LRRC7: variants seen among roughly 807,000 people sequenced by gnomAD.
LRRC7 encodes leucine rich repeat containing 7, also known as leucine-rich repeat-containing protein 7.
Under a neutral mutation model 175.7 loss-of-function variants are expected in LRRC7, and 23 were observed. The observed-to-expected ratio is 0.13, with a 90% CI of 0.09 to 0.19. The LOEUF (loss-of-function observed/expected upper bound fraction) is 0.19, where lower values mean the gene tolerates loss of function less well. Among genes scored for constraint, LRRC7 ranks in the 10% least tolerant of loss-of-function variants. The pLI is 1.00. For synonymous variants in LRRC7, 685 were observed against 680.9 expected, an observed-to-expected ratio of 1.01 and a Z score of -0.09; for missense variants, 1,354 against 1,904.7, an observed-to-expected ratio of 0.71 and a Z score of 5.38.
At position 69,900,235 on chromosome 1, in the gene LRRC7, G is replaced by C. The variant is rs149885355; in HGVS notation, c.648-31272G>C. 2.8e-3 allele frequency among the ~76,000 whole-genome samples: 430 copies of C among 152,230 alleles called. 1 individual carries two copies. The highest frequency in any genetic ancestry group is 9.2e-3 in the African/African-American group (381 of 41,542). Reference sequence around the variant, plus strand: ...TTGCCTGTGAGACGGGTATGGAAGAGAGTCAATAGTTTTTATGGGATCACA... The same window carrying C: ...TTGCCTGTGAGACGGGTATGGAAGACAGTCAATAGTTTTTATGGGATCACA... On this transcript the variant is annotated intron_variant, in intron 7 of 26. Coordinates refer to ENST00000651989, the MANE Select transcript of LRRC7 (RefSeq NM_001370785.2).
At chr1:69,655,395 CTGT>C (rs35571768) in intron 1 of LRRC7, among the ~76,000 whole-genome samples, 25,823 of 151,738 alleles carry the variant, frequency 0.17, 2,298 homozygotes, top group Admixed American at 0.2. Context: ...TCTTGTCTTC[CTGT>C]TGTTGTGTGC....
intron 12 of LRRC7, among the ~76,000 whole-genome samples, 193 bp from the exon 13 acceptor site, chr1:70,012,781 A>C (rs1440122268): frequency 6.6e-6 from 1 of 151,078 alleles, no homozygotes; most frequent in Non-Finnish European, 1.5e-5. Flanking sequence ...TTTGGTATAA[A>C]TTCCCTTAAT....
At chr1:70,067,063 T>A (rs977697345) in intron 23 of LRRC7, among the ~76,000 whole-genome samples, 8 of 152,092 alleles carry the variant, frequency 5.3e-5, no homozygotes, top group Admixed American at 3.9e-4. Flanking sequence ...CTTATTTGCC[T>A]CCATCTGTAT....
intron 25 of LRRC7, among the ~76,000 whole-genome samples, chr1:70,091,368 T>G (rs1394549341): frequency 6.6e-6 from 1 of 152,164 alleles, no homozygotes; most frequent in Non-Finnish European, 1.5e-5. Context: ...TTGACTCCTC[T>G]TTTTGTCTTT....
intron 3 of LRRC7, among the ~76,000 whole-genome samples, chr1:69,788,188 A>T (rs11209543): frequency 0.036 from 5,520 of 152,148 alleles, 349 homozygotes; most frequent in African/African-American, 0.13. Flanking sequence ...AATATCTGTA[A>T]CTCAGGCTTA....
chr1:69,608,850 CTCTCTCTCTCTCTCTCTATATATA>C (rs1436169185), intron 1 of LRRC7, among the ~76,000 whole-genome samples: 2,155 of 48,228 alleles, frequency 0.045, 13 homozygotes, highest in East Asian at 0.075. Context: ...CTCTCTCTCT[CTCTCTCTCTCTCTCTCTATATATA>C]TATATATATA....
chr1:69,678,594 G>C (rs113807507), intron 2 of LRRC7, 116 bp downstream of exon 2: 2 of 700,140 alleles, frequency 2.9e-6, no homozygotes, highest in Non-Finnish European at 4.9e-6. Flanking sequence ...TTGTTGAGTC[G>C]AGTTGGTCTT....
At chr1:69,924,681 A>C (rs1221524183) in intron 7 of LRRC7, among the ~76,000 whole-genome samples, 1 of 152,196 alleles carries the variant, frequency 6.6e-6, no homozygotes, top group Non-Finnish European at 1.5e-5. Flanking sequence ...GTTGCTTATC[A>C]GCTTAAGGAG....
chr1:69,936,386 A>G (rs145120421), intron 8 of LRRC7, among the ~76,000 whole-genome samples: 1 of 152,326 alleles, frequency 6.6e-6, no homozygotes, highest in African/African-American at 2.4e-5. Context: ...AGGCATCAAC[A>G]TGACATACAT....
intron 25 of LRRC7, among the ~76,000 whole-genome samples, 197 bp from the exon 26 acceptor site, chr1:70,107,555 C>T (rs201128047): frequency 6.6e-6 from 1 of 152,108 alleles, no homozygotes; most frequent in East Asian, 1.9e-4. Flanking sequence ...CTTCTTTTTG[C>T]AAGCAAAAAT....
intron 4 of LRRC7, among the ~76,000 whole-genome samples, chr1:69,824,656 G>A (rs926409756): frequency 6.6e-6 from 1 of 152,116 alleles, no homozygotes; most frequent in African/African-American, 2.4e-5. Flanking sequence ...GGGCTTTGAA[G>A]TCCTGTGGAC....
chr1:69,868,877 A>C lies in LRRC7; in HGVS notation c.647+30594A>C, dbSNP rs78011588. ...ATGTCTTTACATGATTTCTCTCTCT[A>C]TCTATCTATCTATCTATATATGTAT... On this transcript the variant is annotated intron_variant, in intron 7 of 26. Coordinates refer to ENST00000651989, the MANE Select transcript of LRRC7 (RefSeq NM_001370785.2). Among the ~76,000 whole-genome samples the C allele has an allele frequency of 1.1e-3, 162 of 149,288 alleles. 2 individuals are homozygous for C. The East Asian group carries it at 0.027, about 25-fold the overall frequency.
chr1:69,833,129 T>C (rs1209856101), intron 5 of LRRC7, among the ~76,000 whole-genome samples: 1 of 151,930 alleles, frequency 6.6e-6, no homozygotes, highest in Admixed American at 6.6e-5. Flanking sequence ...GAAACGACTG[T>C]AATGTTCATT....
At chr1:69,939,123 TG>T (rs1276162768) in intron 8 of LRRC7, among the ~76,000 whole-genome samples, 1 of 150,406 alleles carries the variant, frequency 6.6e-6, no homozygotes, top group Non-Finnish European at 1.5e-5. Context: ...TTGAAGTTAT[TG>T]GGAGTATGTC....
chr1:69,594,234 G>T (rs1646751360), intron 1 of LRRC7, among the ~76,000 whole-genome samples: 1 of 151,924 alleles, frequency 6.6e-6, no homozygotes, highest in Non-Finnish European at 1.5e-5. Context: ...TTACATCTTT[G>T]TGTACGCCGC....
intron 4 of LRRC7, among the ~76,000 whole-genome samples, chr1:69,802,963 A>G (rs1015221130): frequency 2.6e-5 from 4 of 151,424 alleles, no homozygotes; most frequent in African/African-American, 9.6e-5. Context: ...TCTATGCTCT[A>G]TATGATCAAA....
intron 7 of LRRC7, among the ~76,000 whole-genome samples, chr1:69,870,275 G>A (rs2101575627): frequency 6.6e-6 from 1 of 152,212 alleles, no homozygotes; most frequent in Middle Eastern, 3.4e-3. Context: ...TACAGGTTAG[G>A]TGTGGAAGAG....
intron 2 of LRRC7, among the ~76,000 whole-genome samples, chr1:69,685,441 T>C (rs1379099136): frequency 2.0e-5 from 3 of 151,948 alleles, no homozygotes; most frequent in Admixed American, 6.6e-5. Context: ...GACTGAAGCA[T>C]CCATCATAAG....
intron 1 of LRRC7, among the ~76,000 whole-genome samples, chr1:69,648,393 A>G (rs1219694612): frequency 6.6e-6 from 1 of 152,124 alleles, no homozygotes; most frequent in African/African-American, 2.4e-5. Flanking sequence ...CTAGATGAGC[A>G]AGGGTGGAGC....
Sources: allele counts gnomAD v4.1 joint callset (sites outside exome capture counted in the v4.1 genomes callset), GRCh38; gene constraint gnomAD v4.1.1; transcripts MANE v1.5; gene names NCBI Gene and HGNC (gene_info 2026-07-23, HGNC 2026-07-21).